The following ADAMTSL1 variants were observed in gnomAD, a reference collection of about 807,000 sequenced individuals.
ADAMTSL1 encodes the protein ADAMTS-like protein 1.
A neutral mutation model predicts 201.8 loss-of-function variants in ADAMTSL1; 126 were observed. The ratio of observed to expected loss-of-function variants is 0.62; its 90% CI spans 0.54 to 0.72. The LOEUF (loss-of-function observed/expected upper bound fraction) is 0.72, where lower values mean the gene tolerates loss of function less well. Among genes scored for constraint, ADAMTSL1 ranks in the 30% least tolerant of loss-of-function variants. ADAMTSL1 has a pLI of 0.00. For synonymous variants in ADAMTSL1, 1,121 were observed against 903.4 expected (o/e 1.24, Z -4.32); for missense variants, 2,679 against 2,277.8 (o/e 1.18, Z -3.59).
At chr9:18,668,691 G>A (rs1829620412) in intron 9 of ADAMTSL1, among the ~76,000 whole-genome samples, 1 of 152,148 alleles carries the variant, frequency 6.6e-6, no homozygotes, top group African/African-American at 2.4e-5. Flanking sequence ...GACAACATAT[G>A]TAAAGTCCTT....
chr9:18,127,481 AACACACACACACACACACACAC>A (rs112886805), intron 1 of ADAMTSL1, among the ~76,000 whole-genome samples: 3 of 146,140 alleles, frequency 2.1e-5, no homozygotes, highest in Non-Finnish European at 3.0e-5. Context: ...GCACATACAC[AACACACACACACACACACACAC>A]ACACACACAC....
In ADAMTSL1 at chr9:18,909,661, T is replaced by TCTGTCAGG. The variant is rs55721513; in HGVS notation, c.*1122_*1129dup. On this transcript the variant is annotated 3_prime_UTR_variant, in exon 29 of 29. Coordinates refer to ENST00000380548, the MANE Select transcript of ADAMTSL1 (RefSeq NM_001040272.6). ...TAACTAGTCACTGTGCCAGAGAGTA[T>TCTGTCAGG]CTGTCAGGCTGTCAGGTTGTAGCAA... 0.58 allele frequency: 87,748 copies of TCTGTCAGG among 151,102 alleles called. 25,578 individuals carry two copies. Among genetic ancestry groups the TCTGTCAGG allele is most frequent in the Admixed American group, 0.63 (9,494 of 15,174 alleles). The allele number at this position is 151,102 out of a possible 1,614,324, so 9.4% of individuals were successfully genotyped here.
intron 2 of ADAMTSL1, among the ~76,000 whole-genome samples, chr9:18,174,245 A>C (rs1277921145): frequency 6.6e-6 from 1 of 152,200 alleles, no homozygotes; most frequent in Non-Finnish European, 1.5e-5. Context: ...TTGTAAGGTA[A>C]TGCTGAAGCT....
intron 2 of ADAMTSL1, among the ~76,000 whole-genome samples, chr9:18,385,556 A>G (rs1188954856): frequency 6.6e-6 from 1 of 152,232 alleles, no homozygotes; most frequent in African/African-American, 2.4e-5. Context: ...AGGTAATAAT[A>G]AAGAATTCAA....
At chr9:18,902,729 G>A (rs1830081194) in intron 26 of ADAMTSL1, among the ~76,000 whole-genome samples, 1 of 152,106 alleles carries the variant, frequency 6.6e-6, no homozygotes, top group South Asian at 2.1e-4. Context: ...AACGCTAGCA[G>A]AAGAGGATAA....
intron 2 of ADAMTSL1, among the ~76,000 whole-genome samples, chr9:18,401,981 A>G (rs889255293): frequency 8.5e-5 from 13 of 152,306 alleles, no homozygotes; most frequent in African/African-American, 2.2e-4. Context: ...CGCAGAGTCA[A>G]TTATATCTAT....
At chr9:18,897,147 C>T (rs1359843) in intron 26 of ADAMTSL1, among the ~76,000 whole-genome samples, 1 of 152,002 alleles carries the variant, frequency 6.6e-6, no homozygotes, top group Admixed American at 6.5e-5. Flanking sequence ...TTAAGTGGGA[C>T]CCTGATCCAT....
chr9:18,522,538 C>T (rs945379767), intron 2 of ADAMTSL1, among the ~76,000 whole-genome samples: 2 of 151,778 alleles, frequency 1.3e-5, no homozygotes, highest in Admixed American at 1.3e-4. Flanking sequence ...TGTGCTGCAC[C>T]CATTAACTCG....
chr9:17,968,787 T>G (rs1818082171), intron 1 of ADAMTSL1, among the ~76,000 whole-genome samples: 1 of 152,100 alleles, frequency 6.6e-6, no homozygotes, highest in Admixed American at 6.6e-5. Flanking sequence ...TAAAAGGTCT[T>G]TGGAGGGCTT....
Position 18,910,594 on chromosome 9 carries a change from A to C in ADAMTSL1, c.*2046A>C, listed in dbSNP as rs558791711. 6.6e-6 allele frequency: 1 copy of C among 152,364 alleles called. No homozygotes were observed. The highest frequency in any genetic ancestry group is 1.9e-4 in the East Asian group (1 of 5,190). 9.4% of individuals were successfully genotyped at this position (152,364 alleles called of 1,614,324 possible). ...ATAATAGTTATGCATGGAATGATAA[A>C]GACAGACAAATTCCATACTACTACT... On this transcript the variant is annotated 3_prime_UTR_variant, in exon 29 of 29. Transcript: ENST00000380548.
intron 1 of ADAMTSL1, among the ~76,000 whole-genome samples, chr9:17,989,458 C>G (rs1230397306): frequency 6.6e-6 from 1 of 151,820 alleles, no homozygotes; most frequent in Non-Finnish European, 1.5e-5. Flanking sequence ...TTTAAAAAAT[C>G]ACTGCATTGA....
chr9:17,940,712 C>CAAAAAAAAAAAA (rs60466124), intron 1 of ADAMTSL1, among the ~76,000 whole-genome samples: 4 of 88,676 alleles, frequency 4.5e-5, no homozygotes, highest in Non-Finnish European at 6.3e-5. Flanking sequence ...GCATAACGTG[C>CAAAAAAAAAAAA]AAAAAAAAAA....
rs187492863 is a variant in ADAMTSL1 at position 18,261,635 on chromosome 9, C to A, written c.207+97654C>A. Among the ~76,000 whole-genome samples the A allele has an allele frequency of 2.0e-5, 3 of 152,282 alleles. No homozygotes were observed. The East Asian group carries it at 5.8e-4, about 29-fold the overall frequency. On this transcript the variant is annotated intron_variant, in intron 2 of 29. Transcript: ENST00000680146. Reference sequence around the variant, plus strand: ...TTGACAGTTAAAGGTGCTGGATTAACAGTGCTATAGACCAAAGTCTGTCAT... The same window carrying A: ...TTGACAGTTAAAGGTGCTGGATTAAAAGTGCTATAGACCAAAGTCTGTCAT...
At chr9:18,022,403 A>G (rs985701033) in intron 1 of ADAMTSL1, among the ~76,000 whole-genome samples, 1 of 152,082 alleles carries the variant, frequency 6.6e-6, no homozygotes, top group Non-Finnish European at 1.5e-5. Context: ...GACACCCCAC[A>G]CTATCTTTGC....
chr9:18,526,516 G>A (rs1057380292), intron 2 of ADAMTSL1, among the ~76,000 whole-genome samples: 2 of 152,146 alleles, frequency 1.3e-5, no homozygotes, highest in African/African-American at 2.4e-5. Flanking sequence ...ATTAGTTGAC[G>A]CAGTTTCTTC....
chr9:17,965,594 T>G (rs1181359565), intron 1 of ADAMTSL1, among the ~76,000 whole-genome samples: 1 of 152,196 alleles, frequency 6.6e-6, no homozygotes, highest in African/African-American at 2.4e-5. Flanking sequence ...GGTAAAGATT[T>G]CTGTGGTATC....
At chr9:18,797,860 C>A in intron 20 of ADAMTSL1, among the ~76,000 whole-genome samples, 1 of 152,312 alleles carries the variant, frequency 6.6e-6, no homozygotes. Context: ...TTCTCTAGCT[C>A]TTCTAGAGTG....
chr9:18,123,239 A>G (rs910954033), intron 1 of ADAMTSL1, among the ~76,000 whole-genome samples: 8 of 152,234 alleles, frequency 5.3e-5, no homozygotes, highest in Non-Finnish European at 1.2e-4. Flanking sequence ...GATTATAACA[A>G]GACACATTTT....
At chr9:18,392,014 C>T (rs150808248) in intron 2 of ADAMTSL1, among the ~76,000 whole-genome samples, 1,701 of 151,268 alleles carry the variant, frequency 0.011, 34 homozygotes, top group African/African-American at 0.039. Flanking sequence ...TAGTAGAGAC[C>T]GGGGTTTCAC....
Sources: allele counts gnomAD v4.1 joint callset (sites outside exome capture counted in the v4.1 genomes callset), GRCh38; gene constraint gnomAD v4.1.1; transcripts MANE v1.5; gene names NCBI Gene and HGNC (gene_info 2026-07-23, HGNC 2026-07-21).